Variants in DNAH5 observed in about 807,000 individuals in gnomAD.
DNAH5 encodes dynein axonemal heavy chain 5.
DNAH5 carries 372 observed loss-of-function variants against 518.2 expected under a neutral mutation model. That is an observed-to-expected ratio of 0.72 (90% CI 0.66 to 0.78). DNAH5 has a LOEUF of 0.78. DNAH5 is among the 30% of genes least tolerant of loss of function. The pLI, the probability that DNAH5 is intolerant of heterozygous loss-of-function variation, is 0.00. For synonymous variants in DNAH5, 2,039 were observed against 2,025.9 expected (o/e 1.01, Z -0.17); for missense variants, 5,523 against 5,687.0 (o/e 0.97, Z 0.93).
At chr5:13,858,410 G>A (rs997303912) in intron 30 of DNAH5, among the ~76,000 whole-genome samples, 1 of 152,096 alleles carries the variant, frequency 6.6e-6, no homozygotes, top group Admixed American at 6.5e-5. Context: ...ACACACTGGG[G>A]CCTGTCAGGG....
chr5:13,974,361 G>T (rs1292215788), intron 1 of DNAH5, among the ~76,000 whole-genome samples: 1 of 152,060 alleles, frequency 6.6e-6, no homozygotes, highest in East Asian at 1.9e-4. Context: ...CTGGACTCAA[G>T]CAATCTGCCT....
intron 1 of DNAH5, among the ~76,000 whole-genome samples, chr5:13,993,152 C>T (rs903885935): frequency 2.6e-5 from 4 of 152,298 alleles, no homozygotes; most frequent in South Asian, 2.1e-4. Flanking sequence ...TGCCCGTCTA[C>T]GCATGCTTAG....
Position 13,916,424 on chromosome 5 carries a change from A to C in DNAH5, c.1121T>G (p.Ile374Arg). 5 of 1,558,824 alleles carry C rather than the reference A, an allele frequency of 3.2e-6. No individual in the cohort carries two copies. Among genetic ancestry groups the C allele is most frequent in the Non-Finnish European group, 4.4e-6 (5 of 1,131,890 alleles). The part of the protein sequence containing the change: ...LSMMDAIPTL[I>R]NAIKMIYSIS... ...ACTATAGATCATTTTAATTGCATTT[A>C]TAAGTGTAGGAATAGCATCCATCAT... Residue 374 changes from isoleucine to arginine, a missense_variant, in exon 9 of 79, where the codon ATA (isoleucine) becomes AGA (arginine). Physicochemically the swap from Ile to Arg is moderately conservative, Grantham distance 97. Coordinates refer to ENST00000265104, the MANE Select transcript of DNAH5 (RefSeq NM_001369.3).
intron 68 of DNAH5, among the ~76,000 whole-genome samples, chr5:13,732,484 A>G (rs111794298): frequency 6.6e-6 from 1 of 152,104 alleles, no homozygotes; most frequent in East Asian, 1.9e-4. Context: ...CTCCTGCTTC[A>G]GTCTCCCAAG....
Position 13,891,025 on chromosome 5 carries a change from A to C in DNAH5, c.2528T>G (p.Leu843Arg). ...ACAGGTTAGTGGCTCCTCCTGGGGAAGCTGACAAAGAGGCGTGCTGCTCAT... is the reference window on the plus strand; with the variant it reads ...ACAGGTTAGTGGCTCCTCCTGGGGACGCTGACAAAGAGGCGTGCTGCTCAT... ...EEMSSTPLCQ[L>R]PQEEPLTCEE... Residue 843 changes from leucine (L) to arginine (R), a missense_variant, in exon 17 of 79, where the codon CTT (leucine) becomes CGT (arginine). Leu to Arg is a moderately radical substitution (Grantham distance 102, BLOSUM62 -2). Transcript: ENST00000265104. The C allele has an allele frequency of 6.2e-7, 1 of 1,614,204 alleles. No homozygotes were observed. The highest frequency in any genetic ancestry group is 8.5e-7 in the Non-Finnish European group (1 of 1,180,014).
intron 5 of DNAH5, among the ~76,000 whole-genome samples, chr5:13,920,943 GA>G (rs200753179): frequency 1.6e-4 from 25 of 151,592 alleles, no homozygotes; most frequent in African/African-American, 6.1e-4. Context: ...GGACCCATAT[GA>G]AAAAAACACT....
In DNAH5 at chr5:13,810,214, A is replaced by G. The variant is rs1247213829; in HGVS notation, c.7454T>C (p.Val2485Ala). 3 of 1,550,388 alleles carry G rather than the reference A, an allele frequency of 1.9e-6. No individual in the cohort carries two copies. The highest frequency in any genetic ancestry group is 1.7e-6 in the Non-Finnish European group (2 of 1,146,878). The change falls in exon 45 of 79, where the codon GTG (valine) becomes GCG (alanine). Residue 2485 changes from valine (V) to alanine (A), a missense_variant. This residue lies in a region of DNAH5 where 5,121 missense variants were observed against 5,223.3 expected (regional missense o/e 0.98). Coordinates refer to ENST00000265104, the MANE Select transcript of DNAH5 (RefSeq NM_001369.3). ...VSQAHLGRLF[V>A]FALLWSAGAA... ...CCCCGCGCTCCACAGCAGCGCGAAC[A>G]CGAACAGCCGCCCCAGGTGAGCCTG...
At chr5:13,984,278 CT>C (rs1262805612) in intron 1 of DNAH5, among the ~76,000 whole-genome samples, 1 of 152,150 alleles carries the variant, frequency 6.6e-6, no homozygotes, top group East Asian at 1.9e-4. Context: ...GTATTTTATT[CT>C]CTTTGAAGCA....
At chr5:14,001,422 G>A (rs573978291) in intron 1 of DNAH5, among the ~76,000 whole-genome samples, 71 of 152,268 alleles carry the variant, frequency 4.7e-4, no homozygotes, top group African/African-American at 1.7e-3. Flanking sequence ...GGAGTGCAGT[G>A]GTGTGATCTC....
rs781469274 is a variant in DNAH5 at position 13,792,128 on chromosome 5, G to A, written c.8314C>T (p.Arg2772Ter). The A allele has an allele frequency of 1.1e-5, 18 of 1,613,768 alleles. No homozygotes were observed. In the Admixed American group the frequency reaches 1.8e-4, roughly 16 times the overall value. The change falls in exon 50 of 79, where the codon CGA (arginine) becomes TGA (stop). Residue 2772 changes from arginine (R) to a stop codon, truncating the protein, a stop_gained. Transcript: ENST00000265104. LOFTEE classifies it high-confidence loss of function. Reference protein sequence around the residue: ...SVTKLVPLTRRLWQMTKIKML... With the variant: ...SVTKLVPLTR Reference sequence around the variant, plus strand: ...TTAATCTTGGTCATCTGCCATAGTCGGCGTGTCAGAGGCACCAATTTTGTC... The same window carrying A: ...TTAATCTTGGTCATCTGCCATAGTCAGCGTGTCAGAGGCACCAATTTTGTC...
chr5:13,943,805 A>G (rs1014971265), intron 1 of DNAH5, among the ~76,000 whole-genome samples: 1 of 152,198 alleles, frequency 6.6e-6, no homozygotes, highest in Non-Finnish European at 1.5e-5. Context: ...GAAACCTCCA[A>G]TTTCTTCTGA....
At position 13,809,037 on chromosome 5, in the gene DNAH5, G is replaced by A; in HGVS notation, c.7752+7C>T. 1 of 1,613,998 alleles carries A rather than the reference G, an allele frequency of 6.2e-7. No homozygotes were observed. The highest frequency in any genetic ancestry group is 8.5e-7 in the Non-Finnish European group (1 of 1,179,912). ...ATGCTACAGTTAATAAAAATTAAAA[G>A]TCATACCTTGCCCTGTTTAGCAATG... On this transcript the variant is annotated splice_region_variant and intron_variant, in intron 46 of 78. Transcript: ENST00000265104.
At position 13,842,426 on chromosome 5, in the gene DNAH5, A is replaced by G. The variant is rs1364258340; in HGVS notation, c.5272-522T>C. ...AGAGCGAGAAAGAAAAGAAAAGAAA[A>G]GAAAGAAAGAAAGAAAGAAAGAAAG... On this transcript the variant is annotated intron_variant, in intron 32 of 78. Coordinates refer to ENST00000265104, the MANE Select transcript of DNAH5 (RefSeq NM_001369.3). Among the ~76,000 whole-genome samples, 6 of 48,688 alleles carry G rather than the reference A, an allele frequency of 1.2e-4. No homozygotes were observed. The East Asian group carries it at 3.4e-3, about 28-fold the overall frequency. The allele number at this position is 48,688 out of a possible 152,430, so 31.9% of individuals were successfully genotyped here.
chr5:13,925,457 A>G (rs138205430), intron 3 of DNAH5, among the ~76,000 whole-genome samples: 17 of 152,292 alleles, frequency 1.1e-4, no homozygotes, highest in Admixed American at 3.3e-4. Flanking sequence ...CATACCTGAG[A>G]CTGGGCAACT....
intron 39 of DNAH5, 60 bp from the exon 40 acceptor site, chr5:13,823,430 G>T: frequency 8.9e-7 from 1 of 1,119,182 alleles, no homozygotes; most frequent in Non-Finnish European, 1.4e-6. Context: ...TCAATATGCA[G>T]ATAAACTGGA....
intron 2 of DNAH5, 112 bp downstream of exon 2, chr5:13,930,998 T>G (rs1778358821): frequency 5.2e-6 from 8 of 1,524,290 alleles, no homozygotes; most frequent in Non-Finnish European, 6.4e-6. Flanking sequence ...CCTGTCCACG[T>G]TAAGACAGGC....
chr5:13,959,699 G>A (rs1303188933), intron 1 of DNAH5, among the ~76,000 whole-genome samples: 1 of 152,198 alleles, frequency 6.6e-6, no homozygotes, highest in African/African-American at 2.4e-5. Flanking sequence ...TGGGTGTGGT[G>A]GCTCACACCT....
intron 68 of DNAH5, among the ~76,000 whole-genome samples, chr5:13,731,473 G>C (rs943687727): frequency 2.0e-5 from 3 of 152,142 alleles, no homozygotes; most frequent in African/African-American, 7.2e-5. Flanking sequence ...TAACCTGCCG[G>C]CTCCCAAAGT....
chr5:13,937,445 G>GAAAATGAT (rs1049656138), intron 1 of DNAH5, among the ~76,000 whole-genome samples: 4 of 151,006 alleles, frequency 2.6e-5, no homozygotes, highest in Admixed American at 1.3e-4. Context: ...GTGTCTCTCA[G>GAAAATGAT]AAAATGATAA....
Sources: allele counts gnomAD v4.1 joint callset (sites outside exome capture counted in the v4.1 genomes callset), GRCh38; gene constraint gnomAD v4.1.1; regional missense constraint gnomAD v4.1.1; transcripts MANE v1.5; gene names NCBI Gene and HGNC (gene_info 2026-07-23, HGNC 2026-07-21).